The following PDK3 variants were observed in gnomAD, a reference collection of about 807,000 sequenced individuals.
The protein encoded by PDK3 is pyruvate dehydrogenase kinase 3.
In PDK3, 12 loss-of-function variants were observed where a neutral mutation model predicts 32.0. The ratio of observed to expected loss-of-function variants is 0.37; its 90% confidence interval spans 0.24 to 0.61. PDK3 has a LOEUF of 0.61. Ranked by LOEUF, PDK3 falls within the 20% of genes least tolerant of loss-of-function variation. PDK3 has a pLI of 0.65. For missense variants in PDK3, 188 were observed against 316.9 expected, an observed-to-expected ratio of 0.59 and a Z score of 3.09; for synonymous variants, 122 against 116.3, an observed-to-expected ratio of 1.05 and a Z score of -0.31.
intron 9 of PDK3, among the ~76,000 whole-genome samples, chrX:24,531,132 C>T (rs1271110362): frequency 9.1e-6 from 1 of 109,865 alleles, no homozygotes; most frequent in African/African-American, 3.3e-5. Flanking sequence ...GTGGCGCCAT[C>T]TCAGCTCACT....
At chrX:24,514,841 C>G (rs1464136471) in intron 5 of PDK3, among the ~76,000 whole-genome samples, 2 of 111,394 alleles carry the variant, frequency 1.8e-5, no homozygotes, top group Non-Finnish European at 3.8e-5. Flanking sequence ...AATGTGGACT[C>G]TCAGGCCTCA....
At chrX:24,531,601 T>C in intron 9 of PDK3, 56 bp from the exon 10 acceptor site, 2 of 622,628 alleles carry the variant, frequency 3.2e-6, no homozygotes, top group Non-Finnish European at 2.7e-6. Flanking sequence ...GGTCATCATA[T>C]AAAATGTGTT....
chrX:24,512,714 G>C (rs1922154047), intron 5 of PDK3, among the ~76,000 whole-genome samples: 1 of 110,951 alleles, frequency 9.0e-6, no homozygotes, highest in South Asian at 3.9e-4. Context: ...AGTGAGCTGA[G>C]ATTGCACCAC....
chrX:24,499,845 A>G (rs1394684578), intron 3 of PDK3, among the ~76,000 whole-genome samples: 2 of 112,282 alleles, frequency 1.8e-5, no homozygotes, highest in Admixed American at 9.5e-5. Flanking sequence ...AGGAAAAACA[A>G]AAGCCCTCAC....
At chrX:24,538,021 G>A (rs1294958232), downstream of PDK3, among the ~76,000 whole-genome samples, 1 of 112,358 alleles carries the variant, frequency 8.9e-6, no homozygotes, top group Non-Finnish European at 1.9e-5. Context: ...AGAATGTTGA[G>A]CATCGATGTG....
intron 5 of PDK3, among the ~76,000 whole-genome samples, chrX:24,511,615 A>G (rs1922119333): frequency 9.0e-6 from 1 of 111,617 alleles, no homozygotes; most frequent in South Asian, 3.8e-4. Context: ...TGGGAGGCCA[A>G]GGCGGGTGGA....
downstream of PDK3, among the ~76,000 whole-genome samples, chrX:24,537,282 A>ATTTTTTT (rs1167543267): frequency 5.9e-4 from 39 of 65,635 alleles, no homozygotes; most frequent in African/African-American, 1.2e-3. Flanking sequence ...ACGCCTGGCT[A>ATTTTTTT]TTTTTTTTTT....
chrX:24,477,680 G>T (rs1050510792), intron 1 of PDK3, among the ~76,000 whole-genome samples: 1 of 111,391 alleles, frequency 9.0e-6, no homozygotes, highest in African/African-American at 3.3e-5. Flanking sequence ...AGCAGAGTTT[G>T]TAAGTAGTTA....
At chrX:24,465,713 G>A in intron 1 of PDK3, 152 bp downstream of exon 1, 1 of 458,370 alleles carries the variant, frequency 2.2e-6, no homozygotes, top group South Asian at 3.6e-5. Flanking sequence ...GGATTTCGGG[G>A]CGCGGAGGGG....
chrX:24,521,076 C>T (rs1180687381), intron 6 of PDK3, among the ~76,000 whole-genome samples: 1 of 109,713 alleles, frequency 9.1e-6, no homozygotes, highest in Non-Finnish European at 1.9e-5. Flanking sequence ...CCCAGGAGTT[C>T]GAGACCAGCC....
In PDK3 at chrX:24,487,054, T is replaced by G. The variant is rs1038592987; in HGVS notation, c.107-7688T>G. ...AATGTTCTTGAACAAAGGAAAACTCTTAAGCTCTTAAGGCAGTGAGAAACT... is the reference window on the plus strand; with the variant it reads ...AATGTTCTTGAACAAAGGAAAACTCGTAAGCTCTTAAGGCAGTGAGAAACT... On this transcript the variant is annotated intron_variant, in intron 1 of 10. Coordinates refer to ENST00000379162, the MANE Select transcript of PDK3 (RefSeq NM_005391.5). Among the ~76,000 whole-genome samples the G allele has an allele frequency of 3.6e-5, 4 of 112,472 alleles. No homozygotes were observed. The East Asian group carries it at 1.1e-3, about 31-fold the overall frequency.
At chrX:24,466,141 CAGAGCAGGGTCTAATACAA>C (rs1940062023) in intron 1 of PDK3, among the ~76,000 whole-genome samples, 2 of 110,614 alleles carry the variant, frequency 1.8e-5, no homozygotes, top group African/African-American at 3.3e-5. Context: ...ATCCTAGCAT[CAGAGCAGGGTCTAATACAA>C]CTCTGGCTTT....
intron 6 of PDK3, among the ~76,000 whole-genome samples, chrX:24,519,374 T>G (rs1480310228): frequency 1.6e-4 from 17 of 103,108 alleles, no homozygotes; most frequent in African/African-American, 6.0e-4. Flanking sequence ...GCCTTTTTTT[T>G]TTTTTTTTTT....
At chrX:24,483,707 A>G (rs1346797963) in intron 1 of PDK3, among the ~76,000 whole-genome samples, 1 of 111,376 alleles carries the variant, frequency 9.0e-6, no homozygotes, top group Non-Finnish European at 1.9e-5. Flanking sequence ...TTGCGATCCG[A>G]GGTTTTTTTG....
chrX:24,483,834 C>T (rs1921325904), intron 1 of PDK3, among the ~76,000 whole-genome samples: 1 of 109,794 alleles, frequency 9.1e-6, no homozygotes, highest in East Asian at 2.9e-4. Flanking sequence ...CACCTCTCAG[C>T]CTCCGAGTAC....
At chrX:24,523,060 T>C (rs1460464744) in intron 6 of PDK3, among the ~76,000 whole-genome samples, 1 of 111,971 alleles carries the variant, frequency 8.9e-6, no homozygotes, top group East Asian at 2.8e-4. Context: ...ACCAAGTGGC[T>C]TCAGCAACCA....
rs967347023 is a variant in PDK3, at chrX:24,531,509, GA to G, written c.964-147del. 4 of 406,042 alleles carry G rather than the reference GA, an allele frequency of 9.9e-6. No individual in the cohort carries two copies. The African/African-American group carries it at 1.0e-4, about 10-fold the overall frequency. The allele number at this position is 406,042 out of a possible 1,213,427, so 33.5% of individuals were successfully genotyped here. On this transcript the variant is annotated intron_variant, in intron 9 of 10. Coordinates refer to ENST00000379162, the MANE Select transcript of PDK3 (RefSeq NM_005391.5). Reference sequence around the variant, plus strand: ...AAAGGGGTTGTTTGCCATAGAAGAGGATATACATCATTGTAAAGGTTGAGTC... The same window carrying G: ...AAAGGGGTTGTTTGCCATAGAAGAGGTATACATCATTGTAAAGGTTGAGTC...
exon 12 of PDK3, among the ~76,000 whole-genome samples, chrX:24,543,608 C>T (rs886592183): frequency 9.0e-6 from 1 of 110,751 alleles, no homozygotes; most frequent in Non-Finnish European, 1.9e-5. Context: ...TGCCACCATG[C>T]CTGGCTAATT....
At chrX:24,468,651 G>C (rs1014769061) in intron 1 of PDK3, among the ~76,000 whole-genome samples, 1 of 112,090 alleles carries the variant, frequency 8.9e-6, no homozygotes, top group African/African-American at 3.2e-5. Context: ...TCTTCTGTCT[G>C]ATCTGCTGGC....
Sources: gnomAD v4.1 joint callset for allele counts (sites outside exome capture counted in the v4.1 genomes callset) on GRCh38, gnomAD v4.1.1 for gene constraint, MANE v1.5 for transcripts, NCBI Gene and HGNC (gene_info 2026-07-23, HGNC 2026-07-21) for gene names.